Variants in PREX1 observed in about 807,000 individuals in gnomAD.
PREX1 encodes the protein phosphatidylinositol 3,4,5-trisphosphate-dependent Rac exchanger 1 protein.
Under a neutral mutation model 198.3 loss-of-function variants are expected in PREX1, and 41 were observed. That is an observed-to-expected ratio of 0.21 (90% confidence interval 0.16 to 0.27). PREX1 has a LOEUF of 0.27. Ranked by LOEUF, PREX1 falls within the 10% of genes least tolerant of loss-of-function variation. PREX1 has a pLI of 1.00. For synonymous variants in PREX1, 843 were observed against 887.2 expected (o/e 0.95, Z 0.89); for missense variants, 1,620 against 2,200.7 (o/e 0.74, Z 5.28).
chr20:48,791,491 C>A (rs1401642374), intron 1 of PREX1, among the ~76,000 whole-genome samples: 1 of 152,116 alleles, frequency 6.6e-6, no homozygotes, highest in East Asian at 1.9e-4. Flanking sequence ...GAATAAGCAC[C>A]CAATATGAGC....
chr20:48,698,881 A>G (rs1159865876), intron 7 of PREX1, among the ~76,000 whole-genome samples: 1 of 152,224 alleles, frequency 6.6e-6, no homozygotes, highest in Non-Finnish European at 1.5e-5. Context: ...AGAGGTACAT[A>G]CGATCATTCA....
chr20:48,794,478 C>G (rs1474122850), intron 1 of PREX1, among the ~76,000 whole-genome samples: 2 of 152,200 alleles, frequency 1.3e-5, no homozygotes, highest in African/African-American at 4.8e-5. Context: ...GGAGGCCCAG[C>G]AGGAGCCTTT....
At chr20:48,646,699 A>T (rs2089454021) in intron 25 of PREX1, among the ~76,000 whole-genome samples, 1 of 151,878 alleles carries the variant, frequency 6.6e-6, no homozygotes, top group Admixed American at 6.6e-5. Context: ...AAAAGAAAAG[A>T]AAAGAAAAAG....
At chr20:48,772,367 G>A (rs935164004) in intron 1 of PREX1, among the ~76,000 whole-genome samples, 99 of 152,302 alleles carry the variant, frequency 6.5e-4, no homozygotes, top group African/African-American at 2.2e-3. Context: ...TGCGCAGCTC[G>A]TGGCAGCCCT....
chr20:48,837,704 A>G, the PREX1 span, among the ~76,000 whole-genome samples: 3 of 152,156 alleles, frequency 2.0e-5, no homozygotes, highest in Non-Finnish European at 4.4e-5. Flanking sequence ...GAGCAGAAAA[A>G]ATAACTATTT....
chr20:48,819,326 G>A (rs1255715092), intron 1 of PREX1, among the ~76,000 whole-genome samples: 1 of 152,122 alleles, frequency 6.6e-6, no homozygotes, highest in Non-Finnish European at 1.5e-5. Context: ...GCACAGTCCT[G>A]CCTCAGGGCC....
intron 15 of PREX1, among the ~76,000 whole-genome samples, chr20:48,664,181 T>C (rs2089617657): frequency 1.3e-5 from 2 of 152,302 alleles, no homozygotes; most frequent in East Asian, 1.9e-4. Context: ...AAGACCATCC[T>C]GGCTAACACG....
intron 1 of PREX1, chr20:48,822,134 C>T (rs1403011385): frequency 6.6e-6 from 1 of 152,228 alleles, no homozygotes; most frequent in East Asian, 1.9e-4. Context: ...ATCCTGCTGA[C>T]ACTCAGTTTT....
the PREX1 span, among the ~76,000 whole-genome samples, chr20:48,876,182 C>A: frequency 6.6e-6 from 1 of 152,124 alleles, no homozygotes; most frequent in South Asian, 2.1e-4. Context: ...GTAATCCTAT[C>A]CCCAGTCCAG....
intron 1 of PREX1, among the ~76,000 whole-genome samples, chr20:48,772,722 C>T (rs542838524): frequency 6.6e-6 from 1 of 152,328 alleles, no homozygotes; most frequent in East Asian, 1.9e-4. Context: ...CTAGGACTCA[C>T]CCTGTCCACT....
intron 7 of PREX1, among the ~76,000 whole-genome samples, chr20:48,695,553 T>G (rs73326982): frequency 0.012 from 1,893 of 152,342 alleles, 34 homozygotes; most frequent in African/African-American, 0.042. Context: ...GTAGGAACAT[T>G]CCAGTTGTCC....
chr20:48,682,025 CA>C (rs1188373529), intron 10 of PREX1, among the ~76,000 whole-genome samples: 1 of 151,900 alleles, frequency 6.6e-6, no homozygotes, highest in African/African-American at 2.4e-5. Flanking sequence ...TTACTACTCA[CA>C]AAAAAAATCC....
the PREX1 span, among the ~76,000 whole-genome samples, chr20:48,876,074 G>A: frequency 2.6e-5 from 4 of 152,152 alleles, no homozygotes; most frequent in Non-Finnish European, 5.9e-5. Context: ...CTCACCCCAA[G>A]GGACTTGAGT....
chr20:48,636,407 T>G, intron 32 of PREX1, 56 bp downstream of exon 32: 1 of 1,520,840 alleles, frequency 6.6e-7, no homozygotes, highest in South Asian at 1.2e-5. Context: ...CGACCCGGCC[T>G]GGGCGGGCAC....
intron 18 of PREX1, 69 bp from the exon 19 acceptor site, chr20:48,655,444 T>G (rs2122917161): frequency 7.7e-7 from 1 of 1,293,466 alleles, no homozygotes; most frequent in Non-Finnish European, 1.0e-6. Flanking sequence ...ATAACCCCGG[T>G]GCCAACCCAG....
In PREX1 at chr20:48,652,594, G is replaced by T; in HGVS notation, c.2459C>A (p.Ala820Asp). 1 of 1,611,310 alleles carries T rather than the reference G, an allele frequency of 6.2e-7. No homozygotes were observed. Among genetic ancestry groups the T allele is most frequent in the South Asian group, 1.1e-5 (1 of 90,674 alleles). The change falls in exon 21 of 40, where the codon GCT becomes GAT. Residue 820 changes from alanine to aspartate, a missense_variant. Ala to Asp is a moderately radical substitution (Grantham distance 126). This residue lies in a region of PREX1 where 514 missense variants were observed against 611.6 expected (regional missense o/e 0.84). Transcript: ENST00000371941. ...CATGCCCCGTCTATTACCTGAATCA[G>T]CCTGGTCTTCCTCCTGGGCCTGCTC... The part of the protein sequence containing the change: ...SGEQAQEEDQ[A>D]DSAFPLLSLG...
rs369147237 is a variant in PREX1, at chr20:48,636,631, G to A, written c.3999C>T (p.Ala1333=). 122 of 1,611,046 alleles carry A rather than the reference G, an allele frequency of 7.6e-5. No homozygotes were observed. Among genetic ancestry groups the A allele is most frequent in the Non-Finnish European group, 9.0e-5 (106 of 1,179,400 alleles). The part of the protein sequence containing the change: ...RDAIFCQALV[A]AVCTFSKQLL... ...GCTGCTTGGAGAAGGTGCACACGGC[G>A]GCCACCAGGGCCTGGCAGAAGATCG... is the stretch of plus-strand genomic sequence containing the variant. The change falls in exon 32 of 40, where the codon GCC becomes GCT. Residue 1333 remains alanine (A), a synonymous_variant. Coordinates refer to ENST00000371941, the MANE Select transcript of PREX1 (RefSeq NM_020820.4).
At chr20:48,861,231 C>G in the PREX1 span, among the ~76,000 whole-genome samples, 2 of 152,178 alleles carry the variant, frequency 1.3e-5, no homozygotes, top group African/African-American at 2.4e-5. Flanking sequence ...AGAAATGGAG[C>G]TGGAGTTCTA....
chr20:48,828,075 G>A (rs1285139322), upstream of PREX1, among the ~76,000 whole-genome samples: 3 of 147,636 alleles, frequency 2.0e-5, no homozygotes, highest in Non-Finnish European at 4.5e-5. Context: ...GCGGCCCTCG[G>A]GGCTCCCAGA....
Sources: gnomAD v4.1 joint callset for allele counts (sites outside exome capture counted in the v4.1 genomes callset) on GRCh38, gnomAD v4.1.1 for gene constraint, gnomAD v4.1.1 regional missense constraint, MANE v1.5 for transcripts, NCBI Gene and HGNC (gene_info 2026-07-23, HGNC 2026-07-21) for gene names.